The following PTK2B variants were observed in gnomAD, a reference collection of about 807,000 sequenced individuals.
PTK2B encodes the protein protein tyrosine kinase 2 beta.
A neutral mutation model predicts 142.9 loss-of-function variants in PTK2B; 71 were observed. The observed-to-expected ratio is 0.50, with a 90% CI of 0.41 to 0.61. The LOEUF is 0.61. Ranked by LOEUF, PTK2B falls within the 20% of genes least tolerant of loss-of-function variation. The pLI is 0.00. For synonymous variants in PTK2B, 519 were observed against 503.4 expected, an observed-to-expected ratio of 1.03 and a Z score of -0.42; for missense variants, 1,105 against 1,320.4, an observed-to-expected ratio of 0.84 and a Z score of 2.53.
At chr8:27,374,906 C>T (rs1806576991) in intron 1 of PTK2B, among the ~76,000 whole-genome samples, 1 of 152,228 alleles carries the variant, frequency 6.6e-6, no homozygotes, top group Non-Finnish European at 1.5e-5. Context: ...GTGATGTCTG[C>T]AATTCCTTTC....
At chr8:27,458,046 A>G (rs891107540) in intron 30 of PTK2B, among the ~76,000 whole-genome samples, 2 of 151,148 alleles carry the variant, frequency 1.3e-5, no homozygotes, top group Non-Finnish European at 2.9e-5. Context: ...GGATGTTTCC[A>G]TGAAGGGACG....
chr8:27,444,797 A>G (rs570070828), intron 23 of PTK2B, among the ~76,000 whole-genome samples: 11 of 152,258 alleles, frequency 7.2e-5, no homozygotes, highest in Middle Eastern at 3.4e-3. Flanking sequence ...GGAGAGAGGG[A>G]GTCCAGTCTC....
chr8:27,414,270 A>C (rs1337106667), intron 2 of PTK2B, among the ~76,000 whole-genome samples: 1 of 150,906 alleles, frequency 6.6e-6, no homozygotes, highest in East Asian at 1.9e-4. Flanking sequence ...TTTTTGAGAC[A>C]GTCTCACTCT....
intron 1 of PTK2B, among the ~76,000 whole-genome samples, chr8:27,351,357 G>A (rs1286998371): frequency 6.6e-6 from 1 of 151,928 alleles, no homozygotes; most frequent in Admixed American, 6.6e-5. Flanking sequence ...TCACGGGTGA[G>A]AAAATGGTCT....
chr8:27,422,482 G>T (rs1809823613), intron 5 of PTK2B, 99 bp downstream of exon 5: 2 of 1,137,804 alleles, frequency 1.8e-6, no homozygotes, highest in South Asian at 1.7e-5. Flanking sequence ...GAATGAGTGT[G>T]TGGGAGCCAG....
At chr8:27,439,814 A>G (rs547253880) in intron 20 of PTK2B, among the ~76,000 whole-genome samples, 3 of 152,254 alleles carry the variant, frequency 2.0e-5, no homozygotes, top group Admixed American at 6.5e-5. Context: ...GTAGAACATT[A>G]TTATTACTCT....
At chr8:27,361,612 A>C (rs753179611) in intron 1 of PTK2B, among the ~76,000 whole-genome samples, 8 of 151,968 alleles carry the variant, frequency 5.3e-5, no homozygotes, top group Admixed American at 1.3e-4. Flanking sequence ...TCAGGGAGGG[A>C]CCTTGGATAG....
chr8:27,337,131 C>G (rs1452390765), intron 1 of PTK2B, among the ~76,000 whole-genome samples: 1 of 151,696 alleles, frequency 6.6e-6, no homozygotes, highest in Non-Finnish European at 1.5e-5. Flanking sequence ...AGTTGTGCAA[C>G]CATCACCGCT....
At chr8:27,444,967 C>G (rs1243375485) in intron 23 of PTK2B, among the ~76,000 whole-genome samples, 1 of 152,108 alleles carries the variant, frequency 6.6e-6, no homozygotes, top group African/African-American at 2.4e-5. Context: ...AGTGCCAAAA[C>G]AAGACCATCT....
chr8:27,423,948 A>G (rs1394303931), intron 5 of PTK2B, among the ~76,000 whole-genome samples: 11 of 152,212 alleles, frequency 7.2e-5, no homozygotes, highest in Admixed American at 7.2e-4. Flanking sequence ...AAGGCAGCCC[A>G]GCTCACTGCC....
intron 2 of PTK2B, among the ~76,000 whole-genome samples, chr8:27,417,363 G>A (rs539301006): frequency 2.6e-5 from 4 of 152,204 alleles, no homozygotes; most frequent in South Asian, 2.1e-4. Flanking sequence ...CCATTTATAC[G>A]AAGTTCTAGA....
At chr8:27,345,869 G>A (rs1289418465) in intron 1 of PTK2B, among the ~76,000 whole-genome samples, 3 of 152,162 alleles carry the variant, frequency 2.0e-5, no homozygotes, top group African/African-American at 7.2e-5. Context: ...GATCCTGGAG[G>A]CCACAGTGAG....
At chr8:27,312,014 T>G (rs1802986586) in intron 1 of PTK2B, among the ~76,000 whole-genome samples, 1 of 152,158 alleles carries the variant, frequency 6.6e-6, no homozygotes, top group Non-Finnish European at 1.5e-5. Flanking sequence ...AACCACTGTT[T>G]TAATGGGCAA....
intron 2 of PTK2B, among the ~76,000 whole-genome samples, chr8:27,407,150 G>A (rs7006244): frequency 0.97 from 147,895 of 152,172 alleles, 71,894 homozygotes; most frequent in East Asian, 1. Context: ...TATAGTGAGC[G>A]GAAAGAAAGG....
intron 2 of PTK2B, among the ~76,000 whole-genome samples, chr8:27,406,787 A>G (rs1222930765): frequency 6.6e-6 from 1 of 152,210 alleles, no homozygotes; most frequent in Admixed American, 6.5e-5. Flanking sequence ...AGGAAGCATT[A>G]TGGTACCATG....
At chr8:27,340,251 A>C (rs1410378943) in intron 1 of PTK2B, among the ~76,000 whole-genome samples, 1 of 152,222 alleles carries the variant, frequency 6.6e-6, no homozygotes, top group South Asian at 2.1e-4. Context: ...AGCAGATGCC[A>C]TGGAGGCAGG....
rs35156739 is a variant in PTK2B, at chr8:27,319,643, C to CAA, written c.-413-2738_-413-2737dup. 5.7e-3 allele frequency among the ~76,000 whole-genome samples: 511 copies of CAA among 89,182 alleles called. 15 individuals carry two copies. Among genetic ancestry groups the CAA allele is most frequent in the African/African-American group, 0.014 (324 of 23,358 alleles). 58.5% of individuals were successfully genotyped at this position (89,182 alleles called of 152,430 possible). Reference sequence around the variant, plus strand: ...TGGGTGACAGAGCAAGACTCTGTCTCAAAAAAAAAAAAAAAAAAAAAATTA... The same window carrying CAA: ...TGGGTGACAGAGCAAGACTCTGTCTCAAAAAAAAAAAAAAAAAAAAAAAATTA... On this transcript the variant is annotated intron_variant, in intron 3 of 35. Coordinates refer to the PTK2B transcript ENST00000397501.
chr8:27,383,852 A>ATTTTTTTTCTTTTTTT (rs1807179179), intron 1 of PTK2B, among the ~76,000 whole-genome samples: 1 of 116,594 alleles, frequency 8.6e-6, no homozygotes, highest in Non-Finnish European at 1.8e-5. Context: ...CACCTGGCTA[A>ATTTTTTTTCTTTTTTT]TTTTTTTTTT....
At chr8:27,430,287 C>T (rs1460692320) in intron 6 of PTK2B, 77 bp from the exon 7 acceptor site, 7 of 1,601,282 alleles carry the variant, frequency 4.4e-6, no homozygotes, top group Non-Finnish European at 6.0e-6. Context: ...AGCCCTCTCA[C>T]CTCTTCCTGA....
Sources: allele counts gnomAD v4.1 joint callset (sites outside exome capture counted in the v4.1 genomes callset), GRCh38; gene constraint gnomAD v4.1.1; transcripts MANE v1.5; gene names NCBI Gene and HGNC (gene_info 2026-07-23, HGNC 2026-07-21).